Variants in CRTAM observed in about 807,000 individuals in gnomAD.
CRTAM encodes cytotoxic and regulatory T-cell molecule.
In CRTAM, 44 loss-of-function variants were observed where a neutral mutation model predicts 50.0. The ratio of observed to expected loss-of-function variants is 0.88; its 90% CI spans 0.69 to 1.13. The LOEUF is 1.13. CRTAM is among the 50% of genes most tolerant of loss of function. The pLI is 0.00. For missense variants in CRTAM, 448 were observed against 457.5 expected (o/e 0.98, Z 0.19); for synonymous variants, 159 against 169.3 (o/e 0.94, Z 0.47).
chr11:122,851,677 T>C lies in CRTAM; in HGVS notation c.194-16T>C. ...GATATCTTTCCTCATAACAGCTCTA[T>C]TTCCCTCTTGTACAGCTTTAAAAAA... On this transcript the variant is annotated splice_polypyrimidine_tract_variant and intron_variant, in intron 2 of 9. Transcript: ENST00000227348. 6.2e-7 allele frequency: 1 copy of C among 1,613,706 alleles called. No homozygotes were observed.
rs1294732756 is a variant in CRTAM, at chr11:122,851,840, T to G, written c.341T>G (p.Val114Gly). Residue 114 changes from valine to glycine, a missense_variant, in exon 3 of 10, where the codon GTG becomes GGG. Transcript: ENST00000227348. ...SVSTKEVKVI[V>G]LATPFKPILE... ...AGCACAAAGGAAGTGAAAGTGATTG[T>G]GCTGGGTAGGTACCTGCAAGTGAAC... 15 of 1,614,008 alleles carry G rather than the reference T, an allele frequency of 9.3e-6. No homozygotes were observed. The highest frequency in any genetic ancestry group is 1.3e-5 in the Non-Finnish European group (15 of 1,179,992).
intron 1 of CRTAM, among the ~76,000 whole-genome samples, chr11:122,838,901 G>A (rs1363666145): frequency 6.6e-6 from 1 of 151,988 alleles, no homozygotes; most frequent in Non-Finnish European, 1.5e-5. Flanking sequence ...AGTTGAAAGA[G>A]CATCCGTATT....
intron 2 of CRTAM, 74 bp downstream of exon 2, chr11:122,850,288 G>C: frequency 1.4e-6 from 2 of 1,444,686 alleles, no homozygotes; most frequent in Non-Finnish European, 1.9e-6. Flanking sequence ...CAGTTTGGTG[G>C]GACAGAAAGC....
chr11:122,859,211 T>G (rs990565878), intron 5 of CRTAM, among the ~76,000 whole-genome samples: 22 of 152,070 alleles, frequency 1.4e-4, no homozygotes, highest in African/African-American at 5.1e-4. Flanking sequence ...TGGGTTCCAG[T>G]GATTCTCCTG....
intron 7 of CRTAM, among the ~76,000 whole-genome samples, chr11:122,866,904 C>T (rs1443795084): frequency 6.6e-6 from 1 of 152,280 alleles, no homozygotes; most frequent in East Asian, 1.9e-4. Context: ...AGCCACTGCA[C>T]CTGGCTAGAA....
In CRTAM at chr11:122,867,551, G is replaced by A; in HGVS notation, c.960G>A (p.Lys320=). 1.2e-6 allele frequency: 2 copies of A among 1,613,360 alleles called. No homozygotes were observed. The highest frequency in any genetic ancestry group is 1.7e-6 in the Non-Finnish European group (2 of 1,179,618). ...MKLRKAHVIW[K]KENEVSEHTL... ...TGAGGAAAGCACATGTGATATGGAA[G>A]AAAGGTCAGTGGGCAGGGAACCTGA... Residue 320 remains lysine, a synonymous_variant, in exon 8 of 10, where the codon AAG becomes AAA. Transcript: ENST00000227348.
Position 122,851,723 on chromosome 11 carries a change from A to G in CRTAM, c.224A>G (p.His75Arg), listed in dbSNP as rs769625180. The change falls in exon 3 of 10, where the codon CAT becomes CGT. Residue 75 changes from histidine to arginine, a missense_variant. His to Arg is a conservative substitution (Grantham distance 29). Coordinates refer to ENST00000227348, the MANE Select transcript of CRTAM (RefSeq NM_019604.4). ...ALKNSKYQLL[H>R]HSANQLSITV... ...AAAAATTCCAAATACCAGCTTCTTCATCACTCGGCCAATCAGCTCTCCATC... is the reference window on the plus strand; with the variant it reads ...AAAAATTCCAAATACCAGCTTCTTCGTCACTCGGCCAATCAGCTCTCCATC... 11 of 1,614,148 alleles carry G rather than the reference A, an allele frequency of 6.8e-6. No individual in the cohort carries two copies. The East Asian group carries it at 1.6e-4, about 23-fold the overall frequency.
chr11:122,840,041 A>C (rs1424753471), intron 1 of CRTAM, among the ~76,000 whole-genome samples: 1 of 152,224 alleles, frequency 6.6e-6, no homozygotes, highest in African/African-American at 2.4e-5. Context: ...AATTAGGATG[A>C]TTTCAATTTT....
chr11:122,868,374 A>G (rs1265608151), intron 9 of CRTAM, among the ~76,000 whole-genome samples: 1 of 152,108 alleles, frequency 6.6e-6, no homozygotes, highest in African/African-American at 2.4e-5. Context: ...CTGAGAACTC[A>G]GGGGACCGCC....
chr11:122,861,467 G>A (rs1167235892), intron 5 of CRTAM, among the ~76,000 whole-genome samples: 4 of 113,634 alleles, frequency 3.5e-5, no homozygotes, highest in East Asian at 2.8e-4. Flanking sequence ...GAGTCTCCTC[G>A]CTCTGTCGCC....
chr11:122,841,696 G>A (rs985588023), intron 1 of CRTAM, among the ~76,000 whole-genome samples: 6 of 151,790 alleles, frequency 4.0e-5, no homozygotes, highest in South Asian at 2.1e-4. Flanking sequence ...CACCGAGCCC[G>A]GCCTATTTAC....
chr11:122,855,713 T>A lies in CRTAM; in HGVS notation c.509T>A (p.Phe170Tyr). ...MEVSGGTLHE[F>Y]ETDGKKCNTT... is the part of the protein sequence containing the mutation. ...TACATAGGTGGAACGCTCCATGAATTTGAAACTGATGGGAAGAAATGTAAT... is the reference window on the plus strand; with the variant it reads ...TACATAGGTGGAACGCTCCATGAATATGAAACTGATGGGAAGAAATGTAAT... Residue 170 changes from phenylalanine (F) to tyrosine (Y), a missense_variant, in exon 5 of 10, where the codon TTT (phenylalanine) becomes TAT (tyrosine). By Grantham distance (22) the Phe-to-Tyr change is conservative (BLOSUM62 3). Coordinates refer to ENST00000227348, the MANE Select transcript of CRTAM (RefSeq NM_019604.4). 6.2e-7 allele frequency: 1 copy of A among 1,614,102 alleles called. No individual in the cohort carries two copies. Among genetic ancestry groups the A allele is most frequent in the Middle Eastern group, 1.6e-4 (1 of 6,062 alleles).
intron 1 of CRTAM, among the ~76,000 whole-genome samples, chr11:122,840,079 T>G (rs1037097340): frequency 6.6e-6 from 1 of 152,208 alleles, no homozygotes; most frequent in Non-Finnish European, 1.5e-5. Context: ...TTCACTGACC[T>G]TAACTTTTTC....
rs1205399187 is a variant in CRTAM at position 122,871,638 on chromosome 11, C to T, written c.*239C>T. 7.2e-6 allele frequency: 2 copies of T among 277,540 alleles called. No individual in the cohort carries two copies. The highest frequency in any genetic ancestry group is 1.3e-5 in the Non-Finnish European group (2 of 150,094). 17.2% of individuals were successfully genotyped at this position (277,540 alleles called of 1,614,324 possible). ...AAAAAAATAATTATGCCTGACACTA[C>T]TTCAGAGCAGGAGGATTCTACGAAG... On this transcript the variant is annotated 3_prime_UTR_variant, in exon 10 of 10. Coordinates refer to ENST00000227348, the MANE Select transcript of CRTAM (RefSeq NM_019604.4).
chr11:122,858,423 G>A (rs1356359112), intron 5 of CRTAM, among the ~76,000 whole-genome samples: 1 of 151,918 alleles, frequency 6.6e-6, no homozygotes, highest in Admixed American at 6.6e-5. Context: ...ATGGGGTTTC[G>A]CCATGTTACT....
At chr11:122,853,876 C>T in intron 3 of CRTAM, 67 bp from the exon 4 acceptor site, 1 of 1,438,484 alleles carries the variant, frequency 7.0e-7, no homozygotes, top group Non-Finnish European at 9.6e-7. Context: ...AGATTATTAG[C>T]CTCTGTGCTT....
At chr11:122,865,170 G>A (rs941619462) in intron 7 of CRTAM, among the ~76,000 whole-genome samples, 4 of 151,988 alleles carry the variant, frequency 2.6e-5, no homozygotes, top group African/African-American at 9.7e-5. Flanking sequence ...CCGAGTAGCT[G>A]GGATTACAGG....
At position 122,871,752 on chromosome 11, in the gene CRTAM, A is replaced by T. The variant is rs3134421; in HGVS notation, c.*353A>T. On this transcript the variant is annotated 3_prime_UTR_variant, in exon 10 of 10. Transcript: ENST00000227348. ...ATGCTTTGCTCTAATGGAACTGTTT[A>T]AAAAATTTTTTTTTCTTTTTAATAT... 0.78 allele frequency: 122,176 copies of T among 156,562 alleles called. 48,754 individuals are homozygous for T. Among genetic ancestry groups the T allele is most frequent in the East Asian group, 0.94 (5,073 of 5,402 alleles). The allele number at this position is 156,562 out of a possible 1,614,324, so 9.7% of individuals were successfully genotyped here. A position where few individuals can be genotyped will look rare whatever the true frequency, so the allele number is the denominator to read the frequency against.
At chr11:122,849,548 C>A (rs1861904962) in intron 1 of CRTAM, among the ~76,000 whole-genome samples, 2 of 152,070 alleles carry the variant, frequency 1.3e-5, no homozygotes, top group Non-Finnish European at 2.9e-5. Flanking sequence ...ATAGTAAAAC[C>A]ACGTCTCTAC....
Sources: gnomAD v4.1 joint callset for allele counts (sites outside exome capture counted in the v4.1 genomes callset) on GRCh38, gnomAD v4.1.1 for gene constraint, MANE v1.5 for transcripts, NCBI Gene and HGNC (gene_info 2026-07-23, HGNC 2026-07-21) for gene names.